The following EPOP variants were observed in gnomAD, a reference collection of about 807,000 sequenced individuals.
The protein encoded by EPOP is elongin BC and polycomb repressive complex 2 associated protein, also known as elongin BC and Polycomb repressive complex 2-associated protein.
A neutral mutation model predicts 18.2 loss-of-function variants in EPOP; 14 were observed. That is an observed-to-expected ratio of 0.77 (90% confidence interval 0.51 to 1.20). EPOP has a LOEUF of 1.20. Among genes scored for constraint, EPOP ranks in the 50% most tolerant of loss-of-function variants. The probability of loss-of-function intolerance (pLI) is 0.00; values close to 1 mark genes in which losing one functional copy is unlikely to be tolerated. For missense variants in EPOP, 527 were observed against 577.2 expected (o/e 0.91, Z 0.89); for synonymous variants, 252 against 274.9 (o/e 0.92, Z 0.83).
rs1858509548 is a variant in EPOP, at chr17:38,673,131, G to A, written c.*225C>T. On this transcript the variant is annotated 3_prime_UTR_variant, in exon 1 of 1. Coordinates refer to ENST00000621654, the MANE Select transcript of EPOP (RefSeq NM_001130677.2). ...GCAGGGATTGGAATCTATGTCATCA[G>A]CCTTCTCCCGACTCCAGCCCTGGGT... is the stretch of plus-strand genomic sequence containing the variant. 1 of 647,420 alleles carries A rather than the reference G, an allele frequency of 1.5e-6. No homozygotes were observed. Among genetic ancestry groups the A allele is most frequent in the Non-Finnish European group, 2.3e-6 (1 of 429,606 alleles). The allele number at this position is 647,420 out of a possible 1,614,324, so 40.1% of individuals were successfully genotyped here.
chr17:38,674,564 G>A lies in EPOP; in HGVS notation c.-69C>T. 1.4e-6 allele frequency: 2 copies of A among 1,402,988 alleles called. No homozygotes were observed. Among genetic ancestry groups the A allele is most frequent in the South Asian group, 2.9e-5 (2 of 68,070 alleles). 86.9% of individuals were successfully genotyped at this position (1,402,988 alleles called of 1,614,324 possible). A position where few individuals can be genotyped will look rare whatever the true frequency, so the allele number is the denominator to read the frequency against. ...CGGCGGGATGCCCTGGCTGCCCGAA[G>A]AGCCCACGGGTGAGGGGAACATCGC... On this transcript the variant is annotated 5_prime_UTR_variant, in exon 1 of 1. Transcript: ENST00000621654. The surrounding 1 kb of genome is among the most constrained non-coding windows in gnomAD (Gnocchi z 4.5).
chr17:38,673,899 C>A lies in EPOP; in HGVS notation c.597G>T (p.Ala199=). 7.2e-7 allele frequency: 1 copy of A among 1,389,910 alleles called. No homozygotes were observed. Among genetic ancestry groups the A allele is most frequent in the Non-Finnish European group, 9.3e-7 (1 of 1,077,402 alleles). 86.1% of individuals were successfully genotyped at this position (1,389,910 alleles called of 1,614,324 possible). The part of the protein sequence containing the change: ...LSTEPAGPGT[A]PRPFLPGQPA... ...GCTGGCCGGGCAGGAACGGCCGCGG[C>A]GCCGTCCCGGGACCCGCGGGCTCGG... Residue 199 remains alanine, a synonymous_variant, in exon 1 of 1, where the codon GCG becomes GCT. Coordinates refer to ENST00000621654, the MANE Select transcript of EPOP (RefSeq NM_001130677.2).
Position 38,674,346 on chromosome 17 carries a change from C to T in EPOP, c.150G>A (p.Lys50=). Residue 50 remains lysine (K), a synonymous_variant, in exon 1 of 1, where the codon AAG becomes AAA. Coordinates refer to ENST00000621654, the MANE Select transcript of EPOP (RefSeq NM_001130677.2). This position sits in a 1 kb window ranked among gnomAD's most constrained non-coding sequence, Gnocchi z 4.5. The stretch of plus-strand genomic sequence containing the variant: ...CCGGGCCCAGAGAGGACGCCCGGGG[C>T]TTGGCAAGGGCGCAGAAGGCGAGGG... ...LRALAFCALA[K]PRASSLGPGP... 1.3e-6 allele frequency: 2 copies of T among 1,540,760 alleles called. No homozygotes were observed. The highest frequency in any genetic ancestry group is 4.9e-5 in the East Asian group (2 of 40,748).
rs1209674350 is a variant in EPOP at position 38,674,184 on chromosome 17, G to A, written c.312C>T (p.Ala104=). 1.1e-5 allele frequency: 16 copies of A among 1,420,782 alleles called. No homozygotes were observed. The highest frequency in any genetic ancestry group is 1.5e-5 in the Non-Finnish European group (16 of 1,098,948). 88.0% of individuals were successfully genotyped at this position (1,420,782 alleles called of 1,614,324 possible). The change falls in exon 1 of 1, where the codon GCC becomes GCT. Residue 104 remains alanine, a synonymous_variant. Transcript: ENST00000621654. The surrounding 1 kb of genome is among the most constrained non-coding windows in gnomAD (Gnocchi z 4.5). ...TGRPGVPNTA[A]GEDADVAACP... is the part of the protein sequence containing the mutation. ...ACGCTGCGACGTCCGCATCCTCGCC[G>A]GCGGCGGTGTTAGGAACGCCGGGCC...
At position 38,674,323 on chromosome 17, in the gene EPOP, G is replaced by C; in HGVS notation, c.173C>G (p.Pro58Arg). 6.5e-7 allele frequency: 1 copy of C among 1,533,906 alleles called. No individual in the cohort carries two copies. The highest frequency in any genetic ancestry group is 1.2e-5 in the South Asian group (1 of 83,150). Residue 58 changes from proline (P) to arginine (R), a missense_variant, in exon 1 of 1, where the codon CCG becomes CGG. By Grantham distance (103) the Pro-to-Arg change is moderately radical. Transcript: ENST00000621654. The surrounding 1 kb of genome is among the most constrained non-coding windows in gnomAD (Gnocchi z 4.5). ...CCGCGCCGCCAGCTCCCCAGGCCCC[G>C]GGCCCAGAGAGGACGCCCGGGGCTT... The part of the protein sequence containing the change: ...LAKPRASSLG[P>R]GPGELAARSP...
At position 38,673,085 on chromosome 17, in the gene EPOP, A is replaced by G. The variant is rs888610269; in HGVS notation, c.*271T>C. 1.4e-5 allele frequency: 6 copies of G among 441,458 alleles called. No individual in the cohort carries two copies. Among genetic ancestry groups the G allele is most frequent in the Non-Finnish European group, 1.5e-5 (4 of 264,206 alleles). 27.3% of individuals were successfully genotyped at this position (441,458 alleles called of 1,614,324 possible). A position where few individuals can be genotyped will look rare whatever the true frequency, so the allele number is the denominator to read the frequency against. The stretch of plus-strand genomic sequence containing the variant: ...CCACTGGGGTGCAGGCCCTGCCTCC[A>G]ACGGTCCGAGATGGAAGGAGGCAGG... On this transcript the variant is annotated 3_prime_UTR_variant, in exon 1 of 1. Transcript: ENST00000621654.
rs962786359 is a variant in EPOP at position 38,674,603 on chromosome 17, G to C, written c.-108C>G. 5.0e-6 allele frequency: 6 copies of C among 1,211,662 alleles called. No individual in the cohort carries two copies. The highest frequency in any genetic ancestry group is 3.3e-5 in the Admixed American group (1 of 30,482). 75.1% of individuals were successfully genotyped at this position (1,211,662 alleles called of 1,614,324 possible). On this transcript the variant is annotated 5_prime_UTR_variant, in exon 1 of 1. Coordinates refer to ENST00000621654, the MANE Select transcript of EPOP (RefSeq NM_001130677.2). The surrounding 1 kb of genome is among the most constrained non-coding windows in gnomAD (Gnocchi z 4.5). ...GGGGAACATCGCCCCCCGTCGACGG[G>C]GAGGTCTCTGCTCACGGGCGCCCCC...
rs1911072606 is a variant in EPOP at position 38,674,790 on chromosome 17, G to A, written c.-295C>T. 3.5e-6 allele frequency: 1 copy of A among 288,954 alleles called. No homozygotes were observed. The allele number at this position is 288,954 out of a possible 1,614,324, so 17.9% of individuals were successfully genotyped here. On this transcript the variant is annotated 5_prime_UTR_variant, in exon 1 of 1. Coordinates refer to ENST00000621654, the MANE Select transcript of EPOP (RefSeq NM_001130677.2). This position sits in a 1 kb window ranked among gnomAD's most constrained non-coding sequence, Gnocchi z 4.5. Reference sequence around the variant, plus strand: ...CCCCGGCGGGAGACCCTCTCGAGTCGCCCGAAGCGCAGAGGCAGGGGAAAC... The same window carrying A: ...CCCCGGCGGGAGACCCTCTCGAGTCACCCGAAGCGCAGAGGCAGGGGAAAC...
chr17:38,673,377 C>A lies in EPOP; in HGVS notation c.1119G>T (p.Gly373=). The part of the protein sequence containing the change: ...VPEPPGLKFW[G]INMDES ...ACGGTCAGCTTTCATCCATGTTGAT[C>A]CCCCAGAATTTGAGGCCAGGGGGCT... is the stretch of plus-strand genomic sequence containing the variant. The change falls in exon 1 of 1, where the codon GGG becomes GGT. Residue 373 remains glycine, a synonymous_variant. Coordinates refer to ENST00000621654, the MANE Select transcript of EPOP (RefSeq NM_001130677.2). 1 of 1,528,658 alleles carries A rather than the reference C, an allele frequency of 6.5e-7. No homozygotes were observed. The highest frequency in any genetic ancestry group is 8.8e-7 in the Non-Finnish European group (1 of 1,137,704). The allele number at this position is 1,528,658 out of a possible 1,614,324, so 94.7% of individuals were successfully genotyped here.
In EPOP at chr17:38,673,809, C is replaced by T; in HGVS notation, c.687G>A (p.Thr229=). The T allele has an allele frequency of 2.0e-6, 3 of 1,508,204 alleles. No individual in the cohort carries two copies. Among genetic ancestry groups the T allele is most frequent in the South Asian group, 1.3e-5 (1 of 79,800 alleles). The allele number at this position is 1,508,204 out of a possible 1,614,324, so 93.4% of individuals were successfully genotyped here. A position where few individuals can be genotyped will look rare whatever the true frequency, so the allele number is the denominator to read the frequency against. Residue 229 remains threonine, a synonymous_variant, in exon 1 of 1, where the codon ACG becomes ACA. Coordinates refer to ENST00000621654, the MANE Select transcript of EPOP (RefSeq NM_001130677.2). The stretch of plus-strand genomic sequence containing the variant: ...CGGGTGCGGCCGGAGCCGGGCTGGC[C>T]GTCGAGGGGCTGGCCGCTGGAGCCT... The part of the protein sequence containing the change: ...APEAPAASPS[T]ASPAPAAPGD...
At position 38,674,173 on chromosome 17, in the gene EPOP, G is replaced by T; in HGVS notation, c.323C>A (p.Ala108Glu). ...GCGGCGGGGGCACGCTGCGACGTCC[G>T]CATCCTCGCCGGCGGCGGTGTTAGG... ...GVPNTAAGED[A>E]DVAACPRRGE... Residue 108 changes from alanine (A) to glutamate (E), a missense_variant, in exon 1 of 1, where the codon GCG becomes GAG. Physicochemically the swap from Ala to Glu is moderately radical, Grantham distance 107 (BLOSUM62 -1). Transcript: ENST00000621654. The surrounding 1 kb of genome is among the most constrained non-coding windows in gnomAD (Gnocchi z 4.5). 5 of 1,424,336 alleles carry T rather than the reference G, an allele frequency of 3.5e-6. No homozygotes were observed. In the Middle Eastern group the frequency reaches 6.5e-4, roughly 184 times the overall value. 88.2% of individuals were successfully genotyped at this position (1,424,336 alleles called of 1,614,324 possible). A position where few individuals can be genotyped will look rare whatever the true frequency, so the allele number is the denominator to read the frequency against.
In EPOP at chr17:38,674,118, GA is replaced by G; in HGVS notation, c.377del (p.Phe126SerfsTer123). ...CACAGGAGCGAACGCCGAAGTGCGG[GA>G]AACCGCCTCCGCCCTCTTCCTCCTC... ...RGEEEEGGGG[F>X]PHFGVRSCAP... On this transcript the variant is annotated frameshift_variant, in exon 1 of 1. Coordinates refer to ENST00000621654, the MANE Select transcript of EPOP (RefSeq NM_001130677.2). LOFTEE classifies it high-confidence loss of function. The surrounding 1 kb of genome is among the most constrained non-coding windows in gnomAD (Gnocchi z 4.5). 2 of 1,452,362 alleles carry G rather than the reference GA, an allele frequency of 1.4e-6. No individual in the cohort carries two copies. Among genetic ancestry groups the G allele is most frequent in the Admixed American group, 2.8e-5 (1 of 35,994 alleles). 90.0% of individuals were successfully genotyped at this position (1,452,362 alleles called of 1,614,324 possible).
rs1201592511 is a variant in EPOP at position 38,673,632 on chromosome 17, G to A, written c.864C>T (p.Arg288=). 1.3e-6 allele frequency: 2 copies of A among 1,521,450 alleles called. No homozygotes were observed. Among genetic ancestry groups the A allele is most frequent in the African/African-American group, 1.4e-5 (1 of 69,218 alleles). The allele number at this position is 1,521,450 out of a possible 1,614,324, so 94.2% of individuals were successfully genotyped here. The change falls in exon 1 of 1, where the codon CGC becomes CGT. Residue 288 remains arginine (R), a synonymous_variant. Transcript: ENST00000621654. ...TGCGCGGAGGGGGCGCCGGCAGCCG[G>A]CGTTTCTTGGCGGCTCCCCGAGCCG... is the stretch of plus-strand genomic sequence containing the variant. The part of the protein sequence containing the change: ...KGPARGAAKK[R]RLPAPPPRTA...
In EPOP at chr17:38,673,166, A is replaced by G; in HGVS notation, c.*190T>C. The stretch of plus-strand genomic sequence containing the variant: ...GACTCCAGCCCTGGGTTCCTCTGCA[A>G]AGGATGAGGGGGAGGGACTGTCACC... On this transcript the variant is annotated 3_prime_UTR_variant, in exon 1 of 1. Coordinates refer to ENST00000621654, the MANE Select transcript of EPOP (RefSeq NM_001130677.2). The G allele has an allele frequency of 9.9e-7, 1 of 1,015,222 alleles. No individual in the cohort carries two copies. Among genetic ancestry groups the G allele is most frequent in the Non-Finnish European group, 1.3e-6 (1 of 754,854 alleles). 62.9% of individuals were successfully genotyped at this position (1,015,222 alleles called of 1,614,324 possible).
At position 38,673,572 on chromosome 17, in the gene EPOP, G is replaced by A. The variant is rs1429890940; in HGVS notation, c.924C>T (p.Pro308=). ...TGAGGAGGCTGAAGGTGCTCGTGGT[G>A]GGGAGCGTCGGTGCAGGGCGGCGGG... ...AQPRRPAPTL[P]TTSTFSLLNC... The change falls in exon 1 of 1, where the codon CCC becomes CCT. Residue 308 remains proline, a synonymous_variant. Coordinates refer to ENST00000621654, the MANE Select transcript of EPOP (RefSeq NM_001130677.2). 3 of 1,477,114 alleles carry A rather than the reference G, an allele frequency of 2.0e-6. No homozygotes were observed. The East Asian group carries it at 7.8e-5, about 38-fold the overall frequency. 91.5% of individuals were successfully genotyped at this position (1,477,114 alleles called of 1,614,324 possible). A position where few individuals can be genotyped will look rare whatever the true frequency, so the allele number is the denominator to read the frequency against.
chr17:38,674,412 C>T lies in EPOP; in HGVS notation c.84G>A (p.Pro28=), dbSNP rs867700438. The change falls in exon 1 of 1, where the codon CCG becomes CCA. Residue 28 remains proline (P), a synonymous_variant. Transcript: ENST00000621654. This position sits in a 1 kb window ranked among gnomAD's most constrained non-coding sequence, Gnocchi z 4.5. ...GAGAGAATTCCTGGGTCCCCCGACA[C>T]GGCTTCCGGGGCGTGGGGGAGCAGG... ...GSPCSPTPRK[P]CRGTQEFSPL... is the part of the protein sequence containing the mutation. 1.3e-6 allele frequency: 2 copies of T among 1,543,110 alleles called. No homozygotes were observed. The highest frequency in any genetic ancestry group is 1.2e-5 in the South Asian group (1 of 83,906).
Position 38,673,840 on chromosome 17 carries a change from G to T in EPOP, c.656C>A (p.Ala219Asp). 1 of 1,489,030 alleles carries T rather than the reference G, an allele frequency of 6.7e-7. No homozygotes were observed. The highest frequency in any genetic ancestry group is 8.9e-7 in the Non-Finnish European group (1 of 1,119,302). 92.2% of individuals were successfully genotyped at this position (1,489,030 alleles called of 1,614,324 possible). A position where few individuals can be genotyped will look rare whatever the true frequency, so the allele number is the denominator to read the frequency against. Residue 219 changes from alanine to aspartate, a missense_variant, in exon 1 of 1, where the codon GCC becomes GAC. Coordinates refer to ENST00000621654, the MANE Select transcript of EPOP (RefSeq NM_001130677.2). ...GGGGCTGGCCGCTGGAGCCTCGGGG[G>T]CGGCCGGCGGGGGGTTTCCATCGAC... ...AEVDGNPPPA[A>D]PEAPAASPST... is the part of the protein sequence containing the mutation.
chr17:38,672,985 C>G lies in EPOP; in HGVS notation c.*371G>C, dbSNP rs903296364. The G allele has an allele frequency of 2.3e-4, 46 of 199,650 alleles. No homozygotes were observed. The highest frequency in any genetic ancestry group is 8.6e-4 in the African/African-American group (37 of 43,024). 12.4% of individuals were successfully genotyped at this position (199,650 alleles called of 1,614,324 possible). ...ACAGACACAGTAACAACCGGTTTGT[C>G]CATCACCGAGGTCTCTCTCTTCTCC... On this transcript the variant is annotated 3_prime_UTR_variant, in exon 1 of 1. Transcript: ENST00000621654.
At position 38,672,903 on chromosome 17, in the gene EPOP, A is replaced by T. The variant is rs1910985251; in HGVS notation, c.*453T>A. The T allele has an allele frequency of 6.4e-6, 1 of 156,358 alleles. No homozygotes were observed. The highest frequency in any genetic ancestry group is 2.4e-5 in the African/African-American group (1 of 41,564). The allele number at this position is 156,358 out of a possible 1,614,324, so 9.7% of individuals were successfully genotyped here. ...GACAGTGGGGGTGGGGGATGCCCCCAGGGAGCTGCCAATCATCTCCCCACC... is the reference window on the plus strand; with the variant it reads ...GACAGTGGGGGTGGGGGATGCCCCCTGGGAGCTGCCAATCATCTCCCCACC... On this transcript the variant is annotated 3_prime_UTR_variant, in exon 1 of 1. Transcript: ENST00000621654.
Sources: gnomAD v4.1 joint callset for allele counts on GRCh38, gnomAD v4.1.1 for gene constraint, Gnocchi (gnomAD v3.1) non-coding constraint, MANE v1.5 for transcripts, NCBI Gene and HGNC (gene_info 2026-07-23, HGNC 2026-07-21) for gene names.